The following SORCS1 variants were observed in gnomAD, a reference collection of about 807,000 sequenced individuals.
SORCS1 encodes the protein sortilin related VPS10 domain containing receptor 1.
A neutral mutation model predicts 146.1 loss-of-function variants in SORCS1; 60 were observed. The observed-to-expected ratio is 0.41, with a 90% CI of 0.33 to 0.51. The LOEUF is 0.51. Among genes scored for constraint, SORCS1 ranks in the 20% least tolerant of loss-of-function variants. The pLI is 0.21. For missense variants in SORCS1, 1,352 were observed against 1,487.6 expected (o/e 0.91, Z 1.50); for synonymous variants, 637 against 584.0 (o/e 1.09, Z -1.31).
chr10:106,630,625 A>G (rs1004190936), intron 18 of SORCS1, among the ~76,000 whole-genome samples: 1 of 152,244 alleles, frequency 6.6e-6, no homozygotes, highest in African/African-American at 2.4e-5. Context: ...TGAACTGGGT[A>G]TAATAATACC....
chr10:106,662,658 A>G (rs1291557879), intron 17 of SORCS1, among the ~76,000 whole-genome samples: 2 of 152,198 alleles, frequency 1.3e-5, no homozygotes, highest in African/African-American at 4.8e-5. Context: ...GCTTAACTCT[A>G]TAAGCATGCA....
At chr10:106,890,042 G>A (rs1441767869) in intron 2 of SORCS1, among the ~76,000 whole-genome samples, 1 of 152,014 alleles carries the variant, frequency 6.6e-6, no homozygotes, top group African/African-American at 2.4e-5. Context: ...TAAATTATCT[G>A]GGGTTTTTGT....
intron 23 of SORCS1, among the ~76,000 whole-genome samples, chr10:106,602,544 C>CAG (rs1846310755): frequency 6.6e-6 from 1 of 151,342 alleles, no homozygotes; most frequent in African/African-American, 2.4e-5. Flanking sequence ...CACACACACA[C>CAG]ACACACAAAC....
At chr10:106,693,550 A>G (rs963386203) in intron 9 of SORCS1, among the ~76,000 whole-genome samples, 1 of 152,226 alleles carries the variant, frequency 6.6e-6, no homozygotes, top group African/African-American at 2.4e-5. Flanking sequence ...CTGAGCATCT[A>G]CTACGTATCA....
At chr10:106,975,472 A>G (rs1378658794) in intron 1 of SORCS1, among the ~76,000 whole-genome samples, 1 of 152,234 alleles carries the variant, frequency 6.6e-6, no homozygotes, top group Non-Finnish European at 1.5e-5. Context: ...GAAATGCTTC[A>G]CCCTTGGGAA....
chr10:106,941,544 T>G (rs1202029066), intron 2 of SORCS1, among the ~76,000 whole-genome samples: 1 of 152,156 alleles, frequency 6.6e-6, no homozygotes, highest in Non-Finnish European at 1.5e-5. Flanking sequence ...GCAGAACCTA[T>G]AAGTAGTTCA....
intron 2 of SORCS1, among the ~76,000 whole-genome samples, chr10:106,843,808 C>T (rs924747787): frequency 1.3e-5 from 2 of 152,178 alleles, no homozygotes; most frequent in African/African-American, 4.8e-5. Flanking sequence ...ATTGATTTCT[C>T]AGACACTTAG....
rs1350094194 is a variant in SORCS1, at chr10:107,060,041, A to G, written c.559-103461T>C. 6.6e-6 allele frequency among the ~76,000 whole-genome samples: 1 copy of G among 152,090 alleles called. No homozygotes were observed. Among genetic ancestry groups the G allele is most frequent in the Non-Finnish European group, 1.5e-5 (1 of 68,016 alleles). ...ATGACACAGTGGTCTTTAATCTACC[A>G]TGTGTCCTCATACACAGAATCCTTA... On this transcript the variant is annotated intron_variant, in intron 1 of 25. Transcript: ENST00000263054. The surrounding 1 kb of genome is among the most constrained non-coding windows in gnomAD (Gnocchi z 4.1).
At chr10:107,155,728 G>T (rs181755124) in intron 1 of SORCS1, among the ~76,000 whole-genome samples, 107 of 152,266 alleles carry the variant, frequency 7.0e-4, no homozygotes, top group African/African-American at 2.5e-3. Flanking sequence ...CCCTGCAGCA[G>T]AAGGATTGAT....
Position 106,730,067 on chromosome 10 carries a change from G to A in SORCS1, c.1007C>T (p.Ala336Val). 6.2e-7 allele frequency: 1 copy of A among 1,614,016 alleles called. No homozygotes were observed. The highest frequency in any genetic ancestry group is 1.3e-5 in the African/African-American group (1 of 74,994). ...TTACTTACGACCATCCACAGTTCTG[G>A]CCTCAAGATGCACAAGGTCTGGTTC... ...NKEPDLVHLE[A>V]RTVDGHSHYL... is the part of the protein sequence containing the mutation. Residue 336 changes from alanine (A) to valine (V), a missense_variant, in exon 6 of 26, where the codon GCC becomes GTC. Transcript: ENST00000263054.
chr10:106,702,722 T>C (rs1854223131), intron 8 of SORCS1, among the ~76,000 whole-genome samples: 1 of 152,212 alleles, frequency 6.6e-6, no homozygotes. Flanking sequence ...TATATTATCC[T>C]TCTTTTTTCT....
At chr10:106,840,106 T>C (rs746218334) in intron 2 of SORCS1, among the ~76,000 whole-genome samples, 3 of 152,214 alleles carry the variant, frequency 2.0e-5, no homozygotes, top group Admixed American at 6.5e-5. Context: ...AATTTTTAAG[T>C]AGTATTATTT....
At chr10:107,132,307 C>T (rs1461563529) in intron 1 of SORCS1, among the ~76,000 whole-genome samples, 2 of 152,142 alleles carry the variant, frequency 1.3e-5, no homozygotes, top group African/African-American at 2.4e-5. Context: ...CCAAACCCAC[C>T]TATTCTTAAA....
At chr10:106,951,552 C>T (rs1268609628) in intron 2 of SORCS1, among the ~76,000 whole-genome samples, 2 of 150,234 alleles carry the variant, frequency 1.3e-5, no homozygotes, top group African/African-American at 4.9e-5. Context: ...GAGGACAGAG[C>T]CTATCTGCTG....
At chr10:106,852,388 C>G (rs200178629) in intron 2 of SORCS1, among the ~76,000 whole-genome samples, 3 of 151,950 alleles carry the variant, frequency 2.0e-5, no homozygotes, top group Admixed American at 6.6e-5. Flanking sequence ...CCAGCACTTT[C>G]GAAGGCTGAG....
At chr10:106,656,941 A>G (rs1850340710) in intron 17 of SORCS1, among the ~76,000 whole-genome samples, 1 of 152,188 alleles carries the variant, frequency 6.6e-6, no homozygotes, top group African/African-American at 2.4e-5. Context: ...AAGAAGTCAA[A>G]AACAATAGAT....
chr10:107,003,146 T>G (rs189337565), intron 1 of SORCS1, among the ~76,000 whole-genome samples: 40 of 152,074 alleles, frequency 2.6e-4, no homozygotes, highest in Admixed American at 9.2e-4. Context: ...TCCCCGCTAC[T>G]TGGGAGGCTG....
chr10:106,783,870 G>C (rs898482549), intron 3 of SORCS1, among the ~76,000 whole-genome samples: 8 of 152,102 alleles, frequency 5.3e-5, no homozygotes, highest in African/African-American at 1.9e-4. Context: ...GTTCTTATTG[G>C]TGGAGAAACA....
intron 2 of SORCS1, among the ~76,000 whole-genome samples, chr10:106,952,554 ATATTATAT>A (rs1954736727): frequency 1.4e-5 from 2 of 147,482 alleles, no homozygotes; most frequent in Admixed American, 1.4e-4. Context: ...ATATTATATT[ATATTATAT>A]TATATTATAT....
Sources: gnomAD v4.1 joint callset for allele counts (sites outside exome capture counted in the v4.1 genomes callset) on GRCh38, gnomAD v4.1.1 for gene constraint, Gnocchi (gnomAD v3.1) non-coding constraint, MANE v1.5 for transcripts, NCBI Gene and HGNC (gene_info 2026-07-23, HGNC 2026-07-21) for gene names.